The following IFT56 variants were observed in gnomAD, a reference collection of about 807,000 sequenced individuals.
The protein encoded by IFT56 is intraflagellar transport 56.
the IFT56 span, among the ~76,000 whole-genome samples, chr7:139,169,666 G>A: frequency 6.6e-6 from 1 of 152,076 alleles, no homozygotes; most frequent in Non-Finnish European, 1.5e-5. Context: ...GTCACATTCT[G>A]GTAGGTCATT....
the IFT56 span, among the ~76,000 whole-genome samples, chr7:139,143,060 A>T: frequency 6.6e-6 from 1 of 152,130 alleles, no homozygotes; most frequent in East Asian, 1.9e-4. Flanking sequence ...CACCAAATGC[A>T]TCATATGTGC....
At chr7:139,187,438 T>G in the IFT56 span, 1 of 1,614,204 alleles carries the variant, frequency 6.2e-7, no homozygotes, top group Non-Finnish European at 8.5e-7. Flanking sequence ...CCAAAGCTTT[T>G]GATGTCCTTG....
At chr7:139,187,064 G>T in the IFT56 span, among the ~76,000 whole-genome samples, 2,226 of 136,076 alleles carry the variant, frequency 0.016, 27 homozygotes, top group Middle Eastern at 0.036. Context: ...ACTGCAGTCC[G>T]CAGTCCGGCC....
chr7:139,182,068 T>C, the IFT56 span, among the ~76,000 whole-genome samples: 1 of 151,198 alleles, frequency 6.6e-6, no homozygotes, highest in Non-Finnish European at 1.5e-5. Flanking sequence ...AAGAAATGGC[T>C]GTTTTGTGTG....
At chr7:139,144,211 C>A in the IFT56 span, among the ~76,000 whole-genome samples, 1 of 151,988 alleles carries the variant, frequency 6.6e-6, no homozygotes, top group Non-Finnish European at 1.5e-5. Context: ...TTTGTCTAAA[C>A]ATATTTTTAT....
At chr7:139,141,352 C>T in the IFT56 span, among the ~76,000 whole-genome samples, 1 of 151,988 alleles carries the variant, frequency 6.6e-6, no homozygotes, top group Non-Finnish European at 1.5e-5. Context: ...TAGCTTCAAA[C>T]TCCTGGGTTC....
the IFT56 span, chr7:139,148,474 G>A: frequency 8.6e-7 from 1 of 1,157,098 alleles, no homozygotes; most frequent in Non-Finnish European, 1.2e-6. Flanking sequence ...TGTAACTCTT[G>A]ATTAATATCC....
chr7:139,155,173 C>G, the IFT56 span, among the ~76,000 whole-genome samples: 4 of 152,036 alleles, frequency 2.6e-5, no homozygotes, highest in African/African-American at 9.7e-5. Context: ...TGATTGTATC[C>G]TGAAACCTTG....
the IFT56 span, chr7:139,134,550 G>A: frequency 1.5e-6 from 2 of 1,304,652 alleles, no homozygotes; most frequent in Admixed American, 2.6e-5. Context: ...TTACAGGCAT[G>A]AGCCACTGTG....
the IFT56 span, among the ~76,000 whole-genome samples, chr7:139,182,621 G>A: frequency 6.6e-5 from 10 of 152,146 alleles, no homozygotes; most frequent in Admixed American, 2.6e-4. Context: ...GAAGTTAACC[G>A]TAGTTAGTGG....
the IFT56 span, among the ~76,000 whole-genome samples, chr7:139,141,232 A>T: frequency 6.7e-6 from 1 of 149,160 alleles, no homozygotes; most frequent in African/African-American, 2.5e-5. Flanking sequence ...CTGCACTCCA[A>T]CCTGGGCGAC....
the IFT56 span, chr7:139,166,847 A>G: frequency 2.5e-6 from 4 of 1,581,862 alleles, no homozygotes; most frequent in South Asian, 3.4e-5. Context: ...CAGATGATGT[A>G]CAAGAAGCTT....
the IFT56 span, among the ~76,000 whole-genome samples, chr7:139,163,856 A>G: frequency 0.014 from 2,167 of 152,312 alleles, 38 homozygotes; most frequent in East Asian, 0.074. Flanking sequence ...CCAAAAAAGC[A>G]CTAAATAGAT....
the IFT56 span, among the ~76,000 whole-genome samples, chr7:139,184,387 A>G: frequency 2.6e-5 from 4 of 152,258 alleles, no homozygotes; most frequent in Non-Finnish European, 4.4e-5. Context: ...TGGAACACAC[A>G]GTAACTTGAA....
At chr7:139,189,438 C>A in the IFT56 span, 1 of 1,581,784 alleles carries the variant, frequency 6.3e-7, no homozygotes, top group Non-Finnish European at 8.6e-7. Context: ...TCTAAAATAG[C>A]GCCAGCGTCC....
At chr7:139,147,078 A>G in the IFT56 span, 17 of 1,599,180 alleles carry the variant, frequency 1.1e-5, no homozygotes, top group Non-Finnish European at 1.4e-5. Context: ...TCTATCACAT[A>G]GATATTGATT....
At chr7:139,187,051 G>A in the IFT56 span, among the ~76,000 whole-genome samples, 3 of 135,124 alleles carry the variant, frequency 2.2e-5, no homozygotes, top group South Asian at 2.3e-4. Context: ...CCGAGATTGC[G>A]CCACTGCAGT....
chr7:139,147,003 A>C, the IFT56 span: 68 of 1,531,726 alleles, frequency 4.4e-5, no homozygotes, highest in Non-Finnish European at 5.7e-5. Context: ...AGTAGAAGAC[A>C]AAGAACCTAA....
the IFT56 span, among the ~76,000 whole-genome samples, chr7:139,171,672 C>T: frequency 6.6e-6 from 1 of 152,096 alleles, no homozygotes; most frequent in Non-Finnish European, 1.5e-5. Flanking sequence ...ATCTCTTACC[C>T]TATACAAAAA....
Sources: allele counts gnomAD v4.1 joint callset (sites outside exome capture counted in the v4.1 genomes callset), GRCh38; gene constraint gnomAD v4.1.1; transcripts MANE v1.5; gene names NCBI Gene and HGNC (gene_info 2026-07-23, HGNC 2026-07-21).